SPRED1: variants seen among roughly 807,000 people sequenced by gnomAD.
SPRED1 encodes sprouty related EVH1 domain containing 1.
SPRED1 carries 18 observed loss-of-function variants against 52.3 expected under a neutral mutation model. That is an observed-to-expected ratio of 0.34 (90% CI 0.24 to 0.51). The LOEUF is 0.51. Ranked by LOEUF, SPRED1 falls within the 20% of genes least tolerant of loss-of-function variation. SPRED1 has a pLI of 0.97. For missense variants in SPRED1, 485 were observed against 551.0 expected (o/e 0.88, Z 1.20); for synonymous variants, 155 against 179.7 (o/e 0.86, Z 1.10).
chr15:38,324,891 A>T, intron 4 of SPRED1, 82 bp downstream of exon 4: 1 of 1,128,204 alleles, frequency 8.9e-7, no homozygotes, highest in Non-Finnish European at 1.3e-6. Context: ...CTTATCAATT[A>T]CTAAGAATAT....
chr15:38,260,210 G>C (rs1894179612), intron 1 of SPRED1, among the ~76,000 whole-genome samples: 1 of 152,226 alleles, frequency 6.6e-6, no homozygotes, highest in African/African-American at 2.4e-5. Flanking sequence ...GCAGGGCCAT[G>C]TTCCCTCTAA....
At chr15:38,261,551 A>ATTTGTT (rs530403202) in intron 1 of SPRED1, among the ~76,000 whole-genome samples, 11 of 152,100 alleles carry the variant, frequency 7.2e-5, no homozygotes, top group Admixed American at 6.6e-4. Context: ...AGGAGTTATA[A>ATTTGTT]TTTGTTTTTG....
At chr15:38,323,603 T>C (rs1895647826) in intron 3 of SPRED1, among the ~76,000 whole-genome samples, 1 of 130,300 alleles carries the variant, frequency 7.7e-6, no homozygotes, top group Non-Finnish European at 1.7e-5. Context: ...GTAATTTGAA[T>C]TTGAAGAAAA....
At chr15:38,283,501 CAG>C in intron 1 of SPRED1, 1 of 984,550 alleles carries the variant, frequency 1.0e-6, no homozygotes, top group Non-Finnish European at 1.2e-6. Context: ...TTGTAGGTGT[CAG>C]GGGCATGATG....
chr15:38,324,957 G>T, intron 4 of SPRED1, 148 bp downstream of exon 4: 1 of 732,270 alleles, frequency 1.4e-6, no homozygotes. Flanking sequence ...AATACAGGTT[G>T]AGCATCCCTC....
chr15:38,342,625 TTC>T (rs895018503), intron 5 of SPRED1, among the ~76,000 whole-genome samples: 7 of 152,120 alleles, frequency 4.6e-5, no homozygotes, highest in Admixed American at 3.3e-4. Context: ...TTTCATTGAA[TTC>T]TGTTATAATT....
At chr15:38,289,623 TGACTGTATAG>T (rs925575359) in intron 1 of SPRED1, among the ~76,000 whole-genome samples, 119 of 152,274 alleles carry the variant, frequency 7.8e-4, no homozygotes, top group African/African-American at 2.7e-3. Flanking sequence ...TAACCTTTCC[TGACTGTATAG>T]GACTGTAGTC....
intron 1 of SPRED1, among the ~76,000 whole-genome samples, chr15:38,267,782 T>A (rs945704912): frequency 1.3e-5 from 2 of 152,250 alleles, no homozygotes; most frequent in African/African-American, 2.4e-5. Context: ...TAAAGTCTTA[T>A]GATTCCAAAG....
At chr15:38,294,747 AAGAGCC>A (rs749011490) in intron 1 of SPRED1, among the ~76,000 whole-genome samples, 23 of 152,232 alleles carry the variant, frequency 1.5e-4, no homozygotes, top group Non-Finnish European at 2.5e-4. Context: ...TGATCTGAGC[AAGAGCC>A]AGAGCTGTAC....
At chr15:38,319,704 G>A (rs1895563144) in intron 2 of SPRED1, among the ~76,000 whole-genome samples, 1 of 152,160 alleles carries the variant, frequency 6.6e-6, no homozygotes, top group South Asian at 2.1e-4. Context: ...TACACATAGA[G>A]TCATCAAAGT....
chr15:38,282,900 G>A (rs1184801769), intron 1 of SPRED1, among the ~76,000 whole-genome samples: 1 of 151,716 alleles, frequency 6.6e-6, no homozygotes. Context: ...GCTACTTTGA[G>A]GACTGTGACA....
intron 1 of SPRED1, among the ~76,000 whole-genome samples, chr15:38,283,997 T>C (rs1894751000): frequency 1.3e-5 from 2 of 152,172 alleles, no homozygotes; most frequent in Admixed American, 1.3e-4. Context: ...CATGTGATTA[T>C]AAAAGAAGAA....
intron 4 of SPRED1, among the ~76,000 whole-genome samples, chr15:38,338,349 C>A (rs1417130845): frequency 1.6e-5 from 2 of 127,292 alleles, no homozygotes; most frequent in Non-Finnish European, 3.3e-5. Flanking sequence ...TGATTTTTGA[C>A]AATTATTTGA....
chr15:38,282,341 ACATG>A (rs61591539), intron 1 of SPRED1, among the ~76,000 whole-genome samples: 9,405 of 34,188 alleles, frequency 0.28, 421 homozygotes, highest in Middle Eastern at 0.36. Flanking sequence ...ACACACACAC[ACATG>A]CACACACACA....
chr15:38,326,209 A>G (rs898104274), intron 4 of SPRED1: 2 of 152,294 alleles, frequency 1.3e-5, no homozygotes, highest in African/African-American at 4.8e-5. Flanking sequence ...CAACAATGTC[A>G]TGGCAGTAAT....
At chr15:38,275,879 G>T (rs905458320) in intron 1 of SPRED1, among the ~76,000 whole-genome samples, 1 of 152,314 alleles carries the variant, frequency 6.6e-6, no homozygotes, top group East Asian at 1.9e-4. Context: ...CAGGTAAGGT[G>T]ATCCAGTTGG....
intron 4 of SPRED1, among the ~76,000 whole-genome samples, chr15:38,333,601 A>G (rs942245234): frequency 5.9e-5 from 9 of 152,142 alleles, no homozygotes; most frequent in Admixed American, 2.0e-4. Context: ...AATACATATA[A>G]GAGTGAACAG....
At chr15:38,275,272 C>T (rs1006617104) in intron 1 of SPRED1, among the ~76,000 whole-genome samples, 7 of 152,156 alleles carry the variant, frequency 4.6e-5, no homozygotes, top group East Asian at 1.9e-4. Context: ...TTGGGAACCC[C>T]GTGAAGTCTG....
chr15:38,298,318 C>G (rs901945849), intron 1 of SPRED1, among the ~76,000 whole-genome samples: 8 of 152,070 alleles, frequency 5.3e-5, no homozygotes, highest in African/African-American at 1.9e-4. Context: ...AAACATGTAC[C>G]TATCCTGTGA....
Sources: allele counts gnomAD v4.1 joint callset (sites outside exome capture counted in the v4.1 genomes callset), GRCh38; gene constraint gnomAD v4.1.1; transcripts MANE v1.5; gene names NCBI Gene and HGNC (gene_info 2026-07-23, HGNC 2026-07-21).